FTO: variants seen among roughly 807,000 people sequenced by gnomAD.
The protein encoded by FTO is FTO alpha-ketoglutarate dependent dioxygenase.
In FTO, 47 loss-of-function variants were observed where a neutral mutation model predicts 63.9. That is an observed-to-expected ratio of 0.74 (90% confidence interval 0.58 to 0.94). The LOEUF is 0.94. Ranked by LOEUF, FTO falls within the 40% of genes least tolerant of loss-of-function variation. The pLI, the probability that FTO is intolerant of heterozygous loss-of-function variation, is 0.00. For synonymous variants in FTO, 207 were observed against 224.4 expected (o/e 0.92, Z 0.69); for missense variants, 562 against 618.1 (o/e 0.91, Z 0.96).
At chr16:53,832,788 C>A (rs1185275329) in intron 3 of FTO, among the ~76,000 whole-genome samples, 2 of 152,126 alleles carry the variant, frequency 1.3e-5, no homozygotes, top group African/African-American at 2.4e-5. Context: ...AGTTGAGTGG[C>A]ATTAAGCATC....
chr16:53,733,977 G>A (rs2076330833), intron 1 of FTO, among the ~76,000 whole-genome samples: 1 of 152,110 alleles, frequency 6.6e-6, no homozygotes, highest in Admixed American at 6.5e-5. Context: ...ATGCACACAA[G>A]CACACACATT....
At chr16:53,794,822 G>A (rs2078018905) in intron 1 of FTO, among the ~76,000 whole-genome samples, 6 of 152,152 alleles carry the variant, frequency 3.9e-5, no homozygotes, top group African/African-American at 1.4e-4. Context: ...GTGAGCACAG[G>A]TGGAGAGAAA....
At chr16:53,785,061 A>G (rs184395594) in intron 1 of FTO, among the ~76,000 whole-genome samples, 7 of 152,358 alleles carry the variant, frequency 4.6e-5, no homozygotes, top group Non-Finnish European at 1.5e-5. Flanking sequence ...TTTTGACATT[A>G]TCATTATATA....
chr16:54,085,746 C>G (rs534343056), intron 8 of FTO, among the ~76,000 whole-genome samples: 4 of 152,270 alleles, frequency 2.6e-5, no homozygotes, highest in Admixed American at 1.3e-4. Flanking sequence ...TTGTTTAGAG[C>G]TTGGTCTGGA....
intron 8 of FTO, among the ~76,000 whole-genome samples, chr16:54,072,776 A>AGTACCACAG (rs2085899757): frequency 6.6e-6 from 1 of 152,152 alleles, no homozygotes; most frequent in Non-Finnish European, 1.5e-5. Flanking sequence ...CTAACTAGGA[A>AGTACCACAG]GTACCACAGG....
intron 1 of FTO, among the ~76,000 whole-genome samples, chr16:53,728,585 A>G (rs2076203493): frequency 6.6e-6 from 1 of 152,126 alleles, no homozygotes; most frequent in Non-Finnish European, 1.5e-5. Flanking sequence ...CAAACAAATA[A>G]TGACTTTTTG....
At chr16:53,819,391 C>G (rs972695919) in intron 2 of FTO, among the ~76,000 whole-genome samples, 1 of 152,122 alleles carries the variant, frequency 6.6e-6, no homozygotes, top group Non-Finnish European at 1.5e-5. Context: ...AGGCTAGTCT[C>G]GAGCTCGTCA....
chr16:53,872,802 T>TA lies in FTO; in HGVS notation c.896-979dup, dbSNP rs139729296. On this transcript the variant is annotated intron_variant, in intron 4 of 8. Coordinates refer to ENST00000471389, the MANE Select transcript of FTO (RefSeq NM_001080432.3). ...GTCATTATCTTTTTTGGTATCTTGATAAAAATCTTGTGTTGCCTGTATAGG... is the reference window on the plus strand; with the variant it reads ...GTCATTATCTTTTTTGGTATCTTGATAAAAAATCTTGTGTTGCCTGTATAGG... Among the ~76,000 whole-genome samples, 428 of 152,342 alleles carry TA rather than the reference T, an allele frequency of 2.8e-3. 1 individual carries two copies. Among genetic ancestry groups the TA allele is most frequent in the African/African-American group, 9.6e-3 (401 of 41,578 alleles).
intron 3 of FTO, among the ~76,000 whole-genome samples, chr16:53,842,165 C>A (rs1253695859): frequency 6.6e-6 from 1 of 152,154 alleles, no homozygotes; most frequent in Admixed American, 6.5e-5. Flanking sequence ...GTCACTAGGG[C>A]TATAATTGTG....
chr16:54,019,108 C>G (rs562061218), intron 8 of FTO, among the ~76,000 whole-genome samples: 245 of 152,280 alleles, frequency 1.6e-3, no homozygotes, highest in African/African-American at 5.6e-3. Context: ...GCTCCAGGCA[C>G]CACATCCAGA....
chr16:53,722,751 C>T (rs1275342322), intron 1 of FTO, among the ~76,000 whole-genome samples: 3 of 151,968 alleles, frequency 2.0e-5, no homozygotes, highest in African/African-American at 7.3e-5. Flanking sequence ...TCGCTTGAAC[C>T]CGGGAGGCGG....
At chr16:53,979,560 T>TGTGCGCGC (rs1368078572) in intron 8 of FTO, 3 of 392,382 alleles carry the variant, frequency 7.6e-6, no homozygotes, top group Non-Finnish European at 1.3e-5. Context: ...TGTGTGTGTG[T>TGTGCGCGC]GTGTGTGCGC....
chr16:53,930,221 CTTTTTT>C (rs1014205147), intron 7 of FTO, among the ~76,000 whole-genome samples: 5 of 75,692 alleles, frequency 6.6e-5, no homozygotes, highest in South Asian at 4.6e-4. Flanking sequence ...TGATTATCTT[CTTTTTT>C]TTTTTTTTTT....
chr16:53,967,487 A>G (rs1479262485), intron 8 of FTO, among the ~76,000 whole-genome samples: 1 of 152,198 alleles, frequency 6.6e-6, no homozygotes, highest in East Asian at 1.9e-4. Context: ...CCTTTCATTT[A>G]TAATCCCTTT....
chr16:53,750,759 T>G (rs1183784505), intron 1 of FTO, among the ~76,000 whole-genome samples: 1 of 152,214 alleles, frequency 6.6e-6, no homozygotes, highest in African/African-American at 2.4e-5. Context: ...AATTGGGAAC[T>G]CATTGCTTTT....
intron 1 of FTO, among the ~76,000 whole-genome samples, chr16:53,780,663 C>T (rs1276686000): frequency 2.6e-5 from 4 of 152,128 alleles, no homozygotes; most frequent in Admixed American, 1.3e-4. Context: ...AGCCACTGAG[C>T]CACCACATTC....
intron 8 of FTO, among the ~76,000 whole-genome samples, chr16:53,973,276 C>T (rs538521835): frequency 6.6e-6 from 1 of 152,290 alleles, no homozygotes; most frequent in East Asian, 1.9e-4. Context: ...CTCCCCTTGT[C>T]GGACATGGAG....
chr16:53,892,142 C>T (rs1208165215), intron 7 of FTO, among the ~76,000 whole-genome samples: 1 of 152,006 alleles, frequency 6.6e-6, no homozygotes, highest in African/African-American at 2.4e-5. Flanking sequence ...ATCTACGGTT[C>T]TGTGGTTCTG....
At chr16:53,894,161 G>T (rs1201925072) in intron 7 of FTO, among the ~76,000 whole-genome samples, 1 of 152,192 alleles carries the variant, frequency 6.6e-6, no homozygotes, top group Non-Finnish European at 1.5e-5. Context: ...AGAAGGTAAA[G>T]GTTGTGCCTG....
Sources: allele counts gnomAD v4.1 joint callset (sites outside exome capture counted in the v4.1 genomes callset), GRCh38; gene constraint gnomAD v4.1.1; transcripts MANE v1.5; gene names NCBI Gene and HGNC (gene_info 2026-07-23, HGNC 2026-07-21).